Variants in OSMR observed in about 807,000 individuals in gnomAD.
OSMR encodes the protein oncostatin M receptor, also known as oncostatin-M-specific receptor subunit beta.
Under a neutral mutation model 99.9 loss-of-function variants are expected in OSMR, and 81 were observed. That is an observed-to-expected ratio of 0.81 (90% CI 0.68 to 0.97). OSMR has a LOEUF of 0.97. Among genes scored for constraint, OSMR ranks in the 50% least tolerant of loss-of-function variants. OSMR has a pLI of 0.00. For missense variants in OSMR, 1,099 were observed against 1,153.4 expected, an observed-to-expected ratio of 0.95 and a Z score of 0.68; for synonymous variants, 406 against 410.4, an observed-to-expected ratio of 0.99 and a Z score of 0.13.
chr5:38,939,534 T>G (rs945601056), downstream of OSMR: 25 of 231,976 alleles, frequency 1.1e-4, no homozygotes, highest in East Asian at 7.4e-4. Context: ...TTATGAATAC[T>G]AAATTTCTAA....
intron 7 of OSMR, among the ~76,000 whole-genome samples, chr5:38,892,211 C>T (rs1744206512): frequency 6.6e-6 from 1 of 152,172 alleles, no homozygotes; most frequent in Non-Finnish European, 1.5e-5. Flanking sequence ...TGGTGAAGGG[C>T]CCATAGCCTA....
At chr5:38,881,819 G>T in intron 4 of OSMR, 55 bp downstream of exon 4, 1 of 1,447,886 alleles carries the variant, frequency 6.9e-7, no homozygotes, top group Admixed American at 1.7e-5. Context: ...TTTTAATGAG[G>T]AGCAATAGTC....
At position 38,854,086 on chromosome 5, in the gene OSMR, C is replaced by A. The variant is rs1049313986; in HGVS notation, c.-14+7699C>A. 2.6e-5 allele frequency among the ~76,000 whole-genome samples: 4 copies of A among 152,238 alleles called. No individual in the cohort carries two copies. The South Asian group carries it at 8.3e-4, about 32-fold the overall frequency. ...ACCGAGCCTGAGAATCATGCAGAAC[C>A]CGCAAGAAGTAGCATTCAACTCTTT... On this transcript the variant is annotated intron_variant, in intron 1 of 17. Transcript: ENST00000274276.
chr5:38,882,570 G>A (rs891231230), intron 4 of OSMR, among the ~76,000 whole-genome samples: 2 of 151,672 alleles, frequency 1.3e-5, no homozygotes, highest in Non-Finnish European at 2.9e-5. Context: ...GCAAGATTCT[G>A]TCTCTCACAC....
At chr5:38,922,037 T>C (rs887052662) in intron 12 of OSMR, among the ~76,000 whole-genome samples, 13 of 152,234 alleles carry the variant, frequency 8.5e-5, no homozygotes, top group Admixed American at 4.6e-4. Flanking sequence ...AACTTGTTTC[T>C]TTAAATTAGT....
At chr5:38,940,839 C>G (rs1380208574) in intron 1 of OSMR, 1 of 231,934 alleles carries the variant, frequency 4.3e-6, no homozygotes. Flanking sequence ...TCTCAAAGAA[C>G]AAGCCCATTA....
At chr5:38,873,249 A>G (rs1742531686) in intron 2 of OSMR, among the ~76,000 whole-genome samples, 1 of 152,196 alleles carries the variant, frequency 6.6e-6, no homozygotes, top group South Asian at 2.1e-4. Context: ...GGTTAATCCA[A>G]TTGTAGCATG....
At chr5:38,862,979 C>G (rs1741593034) in intron 1 of OSMR, among the ~76,000 whole-genome samples, 1 of 152,002 alleles carries the variant, frequency 6.6e-6, no homozygotes, top group African/African-American at 2.4e-5. Context: ...CCGGCCAACA[C>G]AGCGAAACCC....
At chr5:38,919,398 G>T in intron 11 of OSMR, 1 of 1,284,910 alleles carries the variant, frequency 7.8e-7, no homozygotes, top group Non-Finnish European at 1.0e-6. Context: ...GATCTTTGTG[G>T]CTTGTGAAAT....
intron 1 of OSMR, among the ~76,000 whole-genome samples, chr5:38,857,131 A>C (rs1740916817): frequency 6.6e-6 from 1 of 152,178 alleles, no homozygotes; most frequent in Admixed American, 6.5e-5. Context: ...CTATAACCTT[A>C]ATTTTTTGTG....
At chr5:38,889,008 CAT>C (rs1201782263) in intron 7 of OSMR, among the ~76,000 whole-genome samples, 1 of 151,992 alleles carries the variant, frequency 6.6e-6, no homozygotes, top group Admixed American at 6.6e-5. Flanking sequence ...TTTTTTCTGA[CAT>C]ACAGCAAGGC....
intron 1 of OSMR, among the ~76,000 whole-genome samples, chr5:38,856,926 G>A (rs1740901629): frequency 6.6e-6 from 1 of 152,180 alleles, no homozygotes; most frequent in Non-Finnish European, 1.5e-5. Flanking sequence ...ATAAGCATGA[G>A]CCATCATGCC....
intron 6 of OSMR, 74 bp from the exon 7 acceptor site, chr5:38,885,965 G>T: frequency 6.3e-6 from 10 of 1,584,186 alleles, no homozygotes; most frequent in Non-Finnish European, 8.6e-6. Flanking sequence ...ATGCCCTGAG[G>T]GATAAGGGAT....
intron 12 of OSMR, among the ~76,000 whole-genome samples, chr5:38,922,345 C>G (rs1390499732): frequency 1.3e-5 from 2 of 152,014 alleles, no homozygotes; most frequent in Non-Finnish European, 1.5e-5. Flanking sequence ...TGTCCCTGTT[C>G]AGAGGGTGAT....
chr5:38,884,225 T>C, intron 5 of OSMR, 114 bp downstream of exon 5: 1 of 901,694 alleles, frequency 1.1e-6, no homozygotes, highest in Non-Finnish European at 1.9e-6. Flanking sequence ...TTTTCTTTTG[T>C]TTCCCAAGTT....
intron 2 of OSMR, among the ~76,000 whole-genome samples, chr5:38,870,871 G>A (rs988133309): frequency 6.6e-6 from 1 of 152,188 alleles, no homozygotes; most frequent in Non-Finnish European, 1.5e-5. Flanking sequence ...GAGTTTCACA[G>A]TGGGCATACT....
intron 9 of OSMR, among the ~76,000 whole-genome samples, chr5:38,914,805 A>G (rs576657794): frequency 2.0e-5 from 3 of 152,286 alleles, no homozygotes; most frequent in African/African-American, 7.2e-5. Context: ...AAATAAAGAT[A>G]GAAACAATAG....
At chr5:38,899,393 A>C (rs1744746283) in intron 7 of OSMR, among the ~76,000 whole-genome samples, 1 of 152,120 alleles carries the variant, frequency 6.6e-6, no homozygotes, top group South Asian at 2.1e-4. Flanking sequence ...CTGGAATCAG[A>C]GACCCCAAGA....
intron 2 of OSMR, among the ~76,000 whole-genome samples, chr5:38,870,555 AG>A (rs1421821705): frequency 6.6e-6 from 1 of 152,142 alleles, no homozygotes; most frequent in African/African-American, 2.4e-5. Context: ...ACCGAAATGC[AG>A]GTTCAGTTGC....
Sources: gnomAD v4.1 joint callset for allele counts (sites outside exome capture counted in the v4.1 genomes callset) on GRCh38, gnomAD v4.1.1 for gene constraint, MANE v1.5 for transcripts, NCBI Gene and HGNC (gene_info 2026-07-23, HGNC 2026-07-21) for gene names.